The following FHL5 variants were observed in gnomAD, a reference collection of about 807,000 sequenced individuals.
The protein encoded by FHL5 is four and a half LIM domains protein 5.
In FHL5, 33 loss-of-function variants were observed where a neutral mutation model predicts 32.0. The observed-to-expected ratio is 1.03, with a 90% CI of 0.78 to 1.38. The LOEUF is 1.38. Ranked by LOEUF, FHL5 falls within the 40% of genes most tolerant of loss-of-function variation. The pLI, the probability that FHL5 is intolerant of heterozygous loss-of-function variation, is 0.00. For synonymous variants in FHL5, 114 were observed against 113.6 expected, an observed-to-expected ratio of 1.00 and a Z score of -0.02; for missense variants, 336 against 343.9, an observed-to-expected ratio of 0.98 and a Z score of 0.18.
At position 96,592,376 on chromosome 6, in the gene FHL5, C is replaced by T. The variant is rs531402061; in HGVS notation, c.-12-11226C>T. Among the ~76,000 whole-genome samples the T allele has an allele frequency of 1.9e-3, 292 of 152,328 alleles. 1 individual carries two copies. Among genetic ancestry groups the T allele is most frequent in the African/African-American group, 6.8e-3 (284 of 41,576 alleles). Reference sequence around the variant, plus strand: ...AGAAATACGGCTCTGTTCCGCCCAGCTCACTGGCGGTCAGAGTTTAAGGTT... The same window carrying T: ...AGAAATACGGCTCTGTTCCGCCCAGTTCACTGGCGGTCAGAGTTTAAGGTT... On this transcript the variant is annotated intron_variant, in intron 1 of 5. Transcript: ENST00000450218.
intron 1 of FHL5, among the ~76,000 whole-genome samples, chr6:96,570,528 C>G (rs55783065): frequency 0.04 from 6,046 of 152,196 alleles, 162 homozygotes; most frequent in Admixed American, 0.063. Context: ...CCTCCACAAC[C>G]CCCACCACTA....
Position 96,605,888 on chromosome 6 carries a change from C to G in FHL5, c.335-14C>G. On this transcript the variant is annotated splice_polypyrimidine_tract_variant and intron_variant, in intron 3 of 5. Transcript: ENST00000450218. ...CTTGACTTATACTAACATGGCCTTACTTTTGGAGTACAGGTTCCCGCAAAA... is the reference window on the plus strand; with the variant it reads ...CTTGACTTATACTAACATGGCCTTAGTTTTGGAGTACAGGTTCCCGCAAAA... 1.2e-6 allele frequency: 2 copies of G among 1,611,424 alleles called. No homozygotes were observed. Among genetic ancestry groups the G allele is most frequent in the Non-Finnish European group, 8.5e-7 (1 of 1,178,480 alleles).
chr6:96,570,332 T>C (rs989511334), intron 1 of FHL5, among the ~76,000 whole-genome samples: 52 of 152,162 alleles, frequency 3.4e-4, no homozygotes, highest in African/African-American at 1.2e-3. Flanking sequence ...GAGGTTTCTG[T>C]AGCAAAATTT....
intron 1 of FHL5, among the ~76,000 whole-genome samples, chr6:96,567,055 T>C (rs989168497): frequency 1.3e-5 from 2 of 151,874 alleles, no homozygotes; most frequent in Non-Finnish European, 3.0e-5. Context: ...TCCATGAAAT[T>C]TTTGCTCACA....
intron 1 of FHL5, among the ~76,000 whole-genome samples, chr6:96,590,063 T>C (rs554915756): frequency 6.6e-6 from 1 of 152,110 alleles, no homozygotes; most frequent in Admixed American, 6.5e-5. Context: ...TCCACTATAG[T>C]AGCTTTATAA....
intron 4 of FHL5, 75 bp from the exon 5 acceptor site, chr6:96,610,497 A>T: frequency 9.4e-7 from 1 of 1,063,788 alleles, no homozygotes; most frequent in Non-Finnish European, 1.4e-6. Context: ...AGATACTAGG[A>T]TCTCAAAAGA....
Position 96,563,141 on chromosome 6 carries a change from T to C in FHL5, c.-227T>C, listed in dbSNP as rs925841521. 3 of 152,196 alleles carry C rather than the reference T, an allele frequency of 2.0e-5. No homozygotes were observed. The highest frequency in any genetic ancestry group is 2.9e-5 in the Non-Finnish European group (2 of 68,030). The allele number at this position is 152,196 out of a possible 1,614,324, so 9.4% of individuals were successfully genotyped here. A position where few individuals can be genotyped will look rare whatever the true frequency, so the allele number is the denominator to read the frequency against. On this transcript the variant is annotated 5_prime_UTR_variant, in exon 1 of 6. Transcript: ENST00000450218. Reference sequence around the variant, plus strand: ...CTTTTTCAGCCCAGTAGGAGTCATGTACACGGTATAAGACTTGGAGGAAAT... The same window carrying C: ...CTTTTTCAGCCCAGTAGGAGTCATGCACACGGTATAAGACTTGGAGGAAAT...
intron 1 of FHL5, among the ~76,000 whole-genome samples, chr6:96,567,120 G>A (rs1206590344): frequency 6.6e-6 from 1 of 151,816 alleles, no homozygotes; most frequent in Non-Finnish European, 1.5e-5. Context: ...CATAGATTCA[G>A]GTCTTATATT....
chr6:96,594,904 A>T (rs1046305815), intron 1 of FHL5, among the ~76,000 whole-genome samples: 5 of 151,928 alleles, frequency 3.3e-5, no homozygotes, highest in Non-Finnish European at 5.9e-5. Context: ...CAATACAAGG[A>T]TTAACAATCA....
In FHL5 at chr6:96,603,590, T is replaced by C. The variant is rs781260928; in HGVS notation, c.-12-12T>C. On this transcript the variant is annotated splice_polypyrimidine_tract_variant and intron_variant, in intron 1 of 5. Transcript: ENST00000450218. Reference sequence around the variant, plus strand: ...CTGCTTTTATATACATTAATCACTTTGTCATTCATAGGATCAAACCAAAAT... The same window carrying C: ...CTGCTTTTATATACATTAATCACTTCGTCATTCATAGGATCAAACCAAAAT... 54 of 1,598,894 alleles carry C rather than the reference T, an allele frequency of 3.4e-5. No individual in the cohort carries two copies. The highest frequency in any genetic ancestry group is 4.4e-5 in the Non-Finnish European group (52 of 1,172,070).
chr6:96,586,314 T>C (rs1289903245), intron 1 of FHL5, among the ~76,000 whole-genome samples: 4 of 152,206 alleles, frequency 2.6e-5, no homozygotes, highest in African/African-American at 9.6e-5. Flanking sequence ...AAATAGTTCA[T>C]GGAAAATACA....
At chr6:96,594,250 TATATA>T (rs1332304468) in intron 1 of FHL5, among the ~76,000 whole-genome samples, 1 of 131,916 alleles carries the variant, frequency 7.6e-6, no homozygotes, top group Non-Finnish European at 1.6e-5. Context: ...TATATATATA[TATATA>T]TATATATATA....
In FHL5 at chr6:96,610,615, A is replaced by G. The variant is rs867649275; in HGVS notation, c.548A>G (p.His183Arg). The part of the protein sequence containing the change: ...GGITFCDQLW[H>R]KECFLCSGCR... ...ATAACATTTTGTGACCAGCTATGGC[A>G]TAAAGAGTGTTTTCTGTGTAGTGGC... The change falls in exon 5 of 6, where the codon CAT becomes CGT. Residue 183 changes from histidine to arginine, a missense_variant. Transcript: ENST00000450218. 6.2e-7 allele frequency: 1 copy of G among 1,614,054 alleles called. No individual in the cohort carries two copies. The highest frequency in any genetic ancestry group is 8.5e-7 in the Non-Finnish European group (1 of 1,179,930).
intron 1 of FHL5, among the ~76,000 whole-genome samples, chr6:96,583,684 T>C (rs1770740063): frequency 6.6e-6 from 1 of 152,126 alleles, no homozygotes; most frequent in East Asian, 1.9e-4. Context: ...TTTGATATCT[T>C]CCTTGGCTGA....
intron 1 of FHL5, among the ~76,000 whole-genome samples, chr6:96,579,300 A>C (rs923397922): frequency 1.3e-5 from 2 of 152,202 alleles, no homozygotes; most frequent in African/African-American, 4.8e-5. Flanking sequence ...GTTGATAGGA[A>C]GGCACGTTTG....
Position 96,581,469 on chromosome 6 carries a change from T to C in FHL5, c.-13+18114T>C, listed in dbSNP as rs141938198. ...TTTATGTTATCTTATGCCACCTAAA[T>C]ACCTGGCCCTGTGGGAGTTATTCAG... is the stretch of plus-strand genomic sequence containing the variant. On this transcript the variant is annotated intron_variant, in intron 1 of 5. Transcript: ENST00000450218. 4.9e-3 allele frequency among the ~76,000 whole-genome samples: 743 copies of C among 152,308 alleles called. 4 individuals are homozygous for C. The highest frequency in any genetic ancestry group is 0.017 in the African/African-American group (705 of 41,574).
intron 4 of FHL5, among the ~76,000 whole-genome samples, chr6:96,608,611 T>G (rs2127974363): frequency 6.6e-6 from 1 of 152,340 alleles, no homozygotes; most frequent in South Asian, 2.1e-4. Context: ...GATTTTAAAC[T>G]ACAAGTGCTT....
chr6:96,567,825 C>CTTTTTTTTTTTTT (rs757441385), intron 1 of FHL5, among the ~76,000 whole-genome samples: 2 of 110,516 alleles, frequency 1.8e-5, no homozygotes, highest in Non-Finnish European at 3.7e-5. Context: ...TTTTTGTATT[C>CTTTTTTTTTTTTT]TTTTTTTTTT....
At chr6:96,608,885 G>A (rs1215623371) in intron 4 of FHL5, among the ~76,000 whole-genome samples, 2 of 152,140 alleles carry the variant, frequency 1.3e-5, no homozygotes, top group Non-Finnish European at 2.9e-5. Context: ...AGTCTTTGGT[G>A]TATATATCAA....
Sources: gnomAD v4.1 joint callset for allele counts (sites outside exome capture counted in the v4.1 genomes callset) on GRCh38, gnomAD v4.1.1 for gene constraint, MANE v1.5 for transcripts, NCBI Gene and HGNC (gene_info 2026-07-23, HGNC 2026-07-21) for gene names.